Variants in LRMDA observed in about 807,000 individuals in gnomAD.
LRMDA encodes the protein leucine rich melanocyte differentiation associated.
In LRMDA, 18 loss-of-function variants were observed where a neutral mutation model predicts 29.8. That is an observed-to-expected ratio of 0.60 (90% CI 0.42 to 0.90). LRMDA has a LOEUF of 0.90. LRMDA is among the 40% of genes least tolerant of loss of function. The pLI is 0.00. For missense variants in LRMDA, 273 were observed against 273.9 expected (o/e 1.00, Z 0.02); for synonymous variants, 125 against 109.4 (o/e 1.14, Z -0.89).
At chr10:75,840,701 A>T (rs998579362) in intron 2 of LRMDA, among the ~76,000 whole-genome samples, 1 of 152,262 alleles carries the variant, frequency 6.6e-6, no homozygotes, top group African/African-American at 2.4e-5. Flanking sequence ...ATATTGCTTT[A>T]TCTTGCTATT....
At chr10:75,967,400 C>G (rs1213608090) in intron 2 of LRMDA, among the ~76,000 whole-genome samples, 8 of 152,020 alleles carry the variant, frequency 5.3e-5, no homozygotes, top group African/African-American at 1.9e-4. Context: ...ATTATTATAA[C>G]ATTAAGAGAG....
In LRMDA at chr10:75,845,116, GT is replaced by G. The variant is rs574393690; in HGVS notation, c.132-190883del. 1.0e-2 allele frequency among the ~76,000 whole-genome samples: 1,470 copies of G among 147,150 alleles called. 26 individuals are homozygous for G. Among genetic ancestry groups the G allele is most frequent in the African/African-American group, 0.035 (1,407 of 40,058 alleles). On this transcript the variant is annotated intron_variant, in intron 2 of 6. Coordinates refer to ENST00000611255, the MANE Select transcript of LRMDA (RefSeq NM_001305581.2). ...AAATGTGTAAATATGATTTTTTTTTGTTTTTTTTTACAAAAGTTTCTTGGGG... is the reference window on the plus strand; with the variant it reads ...AAATGTGTAAATATGATTTTTTTTTGTTTTTTTTACAAAAGTTTCTTGGGG...
chr10:75,692,894 A>G (rs1033916428), intron 2 of LRMDA, among the ~76,000 whole-genome samples: 6 of 152,088 alleles, frequency 3.9e-5, no homozygotes, highest in Admixed American at 6.6e-5. Flanking sequence ...TTCTCAAGTG[A>G]TGCATGATTT....
Position 76,119,546 on chromosome 10 carries a change from A to G in LRMDA, c.516+60763A>G, listed in dbSNP as rs538345465. The stretch of plus-strand genomic sequence containing the variant: ...TGGGTTTTCTGCCCATCCTGTGACC[A>G]TACATTTCTGTCAAATGGGCATGCT... On this transcript the variant is annotated intron_variant, in intron 5 of 6. Transcript: ENST00000611255. Among the ~76,000 whole-genome samples, 13 of 152,174 alleles carry G rather than the reference A, an allele frequency of 8.5e-5. No homozygotes were observed. In the East Asian group the frequency reaches 1.5e-3, roughly 18 times the overall value.
At chr10:76,110,880 C>T (rs1369158404) in intron 5 of LRMDA, among the ~76,000 whole-genome samples, 1 of 152,092 alleles carries the variant, frequency 6.6e-6, no homozygotes, top group African/African-American at 2.4e-5. Flanking sequence ...TATTCACTAC[C>T]ATAGCCTGCA....
intron 6 of LRMDA, among the ~76,000 whole-genome samples, chr10:76,356,028 T>C (rs10509370): frequency 0.25 from 38,526 of 152,078 alleles, 5,913 homozygotes; most frequent in Non-Finnish European, 0.36. Flanking sequence ...AAGTTTAAAA[T>C]TGGCTACACC....
intron 6 of LRMDA, among the ~76,000 whole-genome samples, chr10:76,431,602 A>G (rs929823968): frequency 1.3e-5 from 2 of 152,198 alleles, no homozygotes; most frequent in Non-Finnish European, 2.9e-5. Flanking sequence ...ACCAATAATA[A>G]GAGTATAATC....
At chr10:76,002,681 C>A (rs2132470449) in intron 2 of LRMDA, among the ~76,000 whole-genome samples, 1 of 152,294 alleles carries the variant, frequency 6.6e-6, no homozygotes, top group East Asian at 1.9e-4. Context: ...CAAAGAGACA[C>A]ACACACAGAG....
chr10:76,237,031 C>T (rs1852165293), intron 5 of LRMDA, among the ~76,000 whole-genome samples: 1 of 152,092 alleles, frequency 6.6e-6, no homozygotes, highest in Admixed American at 6.5e-5. Flanking sequence ...CACAGATACT[C>T]CTTAAACTCC....
At chr10:76,015,711 G>A (rs1208877831) in intron 2 of LRMDA, among the ~76,000 whole-genome samples, 1 of 152,178 alleles carries the variant, frequency 6.6e-6, no homozygotes, top group African/African-American at 2.4e-5. Flanking sequence ...CACACCATCA[G>A]CTATCAATCT....
At chr10:76,305,208 A>G (rs1396882883) in intron 5 of LRMDA, among the ~76,000 whole-genome samples, 1 of 152,050 alleles carries the variant, frequency 6.6e-6, no homozygotes, top group Non-Finnish European at 1.5e-5. Flanking sequence ...ACCTTTCAAA[A>G]CCTAGGAATC....
intron 2 of LRMDA, among the ~76,000 whole-genome samples, chr10:75,791,765 A>G (rs1475544195): frequency 6.6e-6 from 1 of 152,066 alleles, no homozygotes; most frequent in Non-Finnish European, 1.5e-5. Context: ...TTCAGGAAAA[A>G]GGTATATATG....
intron 2 of LRMDA, among the ~76,000 whole-genome samples, chr10:75,658,234 C>T (rs914346434): frequency 1.4e-5 from 2 of 146,818 alleles, no homozygotes; most frequent in Admixed American, 1.4e-4. Context: ...TTTCACTGCA[C>T]GCTGTGTGAA....
intron 6 of LRMDA, among the ~76,000 whole-genome samples, chr10:76,495,442 G>A (rs1842872636): frequency 6.6e-6 from 1 of 151,768 alleles, no homozygotes. Flanking sequence ...ACATTGAGGA[G>A]AGAGATTTCT....
chr10:76,216,664 A>G (rs954419629), intron 5 of LRMDA, among the ~76,000 whole-genome samples: 24 of 152,330 alleles, frequency 1.6e-4, no homozygotes, highest in Middle Eastern at 6.8e-3. Flanking sequence ...AATGTTGGAG[A>G]GTATGTATAT....
chr10:76,070,980 C>T (rs1848866621), intron 5 of LRMDA, among the ~76,000 whole-genome samples: 2 of 152,156 alleles, frequency 1.3e-5, no homozygotes, highest in Admixed American at 1.3e-4. Flanking sequence ...GGTGCAGCTG[C>T]CCTCTGGACA....
At chr10:75,602,248 G>T (rs996792125) in intron 2 of LRMDA, among the ~76,000 whole-genome samples, 6 of 152,080 alleles carry the variant, frequency 3.9e-5, no homozygotes, top group Admixed American at 3.3e-4. Flanking sequence ...TGGAGTTAAG[G>T]GAGGAGGGAT....
At chr10:75,609,622 AG>A (rs897872989) in intron 2 of LRMDA, among the ~76,000 whole-genome samples, 2 of 152,246 alleles carry the variant, frequency 1.3e-5, no homozygotes, top group Non-Finnish European at 2.9e-5. Context: ...ATACTTTGCC[AG>A]GTGGTAAGCA....
intron 2 of LRMDA, among the ~76,000 whole-genome samples, chr10:75,770,494 ACAGT>A (rs1324264159): frequency 1.3e-5 from 2 of 152,344 alleles, no homozygotes; most frequent in East Asian, 3.9e-4. Context: ...ATAGCATTAA[ACAGT>A]CAGCCAAAAG....
Sources: allele counts gnomAD v4.1 joint callset (sites outside exome capture counted in the v4.1 genomes callset), GRCh38; gene constraint gnomAD v4.1.1; transcripts MANE v1.5; gene names NCBI Gene and HGNC (gene_info 2026-07-23, HGNC 2026-07-21).